The following CSMD3 variants were observed in gnomAD, a reference collection of about 807,000 sequenced individuals.
CSMD3 encodes CUB and sushi domain-containing protein 3.
CSMD3 carries 177 observed loss-of-function variants against 435.2 expected under a neutral mutation model. The observed-to-expected ratio is 0.41, with a 90% CI of 0.36 to 0.46. The LOEUF is 0.46. Among genes scored for constraint, CSMD3 ranks in the 20% least tolerant of loss-of-function variants. The probability of loss-of-function intolerance (pLI) is 0.34; values close to 1 mark genes in which losing one functional copy is unlikely to be tolerated. For synonymous variants in CSMD3, 1,656 were observed against 1,520.5 expected, an observed-to-expected ratio of 1.09 and a Z score of -2.07; for missense variants, 4,265 against 4,504.6, an observed-to-expected ratio of 0.95 and a Z score of 1.52.
In CSMD3 at chr8:112,311,155, T is replaced by C. The variant is rs757535466; in HGVS notation, c.7708A>G (p.Ser2570Gly). ...FRIRYIAFYC[S>G]TPESPPHGYI... ...CCATGAGGTGGGGATTCTGGTGTAC[T>C]ACAGTAGAAAGCTTTTCAAAAGAAA... Residue 2570 changes from serine to glycine, a missense_variant, in exon 50 of 71, where the codon AGT (serine) becomes GGT (glycine). Physicochemically the swap from Ser to Gly is moderately conservative, Grantham distance 56. Coordinates refer to ENST00000297405, the MANE Select transcript of CSMD3 (RefSeq NM_198123.2). The C allele has an allele frequency of 6.2e-7, 1 of 1,613,608 alleles. No individual in the cohort carries two copies. The highest frequency in any genetic ancestry group is 8.5e-7 in the Non-Finnish European group (1 of 1,179,658).
chr8:112,415,928 T>C (rs1010861589), intron 32 of CSMD3, among the ~76,000 whole-genome samples: 2 of 152,200 alleles, frequency 1.3e-5, no homozygotes, highest in African/African-American at 2.4e-5. Flanking sequence ...ATCTAGGAGA[T>C]AACTAACTTG....
intron 32 of CSMD3, among the ~76,000 whole-genome samples, chr8:112,470,176 T>C (rs551682346): frequency 6.6e-6 from 1 of 152,356 alleles, no homozygotes; most frequent in Non-Finnish European, 1.5e-5. Flanking sequence ...GTCACTGGGA[T>C]ATAAAACCCA....
chr8:112,286,319 T>C lies in CSMD3; in HGVS notation c.9331+745A>G, dbSNP rs542286105. Among the ~76,000 whole-genome samples, 7 of 152,188 alleles carry C rather than the reference T, an allele frequency of 4.6e-5. No individual in the cohort carries two copies. In the South Asian group the frequency reaches 1.2e-3, roughly 27 times the overall value. ...TTCACTTAGCCATGGTCAATCATGG[T>C]CTAAAAATAATATATGGAAAATTCC... On this transcript the variant is annotated intron_variant, in intron 58 of 70. Transcript: ENST00000297405.
chr8:112,536,935 C>T (rs1267024553), intron 27 of CSMD3, among the ~76,000 whole-genome samples: 5 of 151,772 alleles, frequency 3.3e-5, no homozygotes, highest in East Asian at 1.9e-4. Flanking sequence ...AACCAAACAC[C>T]GCATATTCTC....
At chr8:113,391,205 G>T (rs1023374899) in intron 1 of CSMD3, among the ~76,000 whole-genome samples, 2 of 151,994 alleles carry the variant, frequency 1.3e-5, no homozygotes, top group African/African-American at 4.8e-5. Flanking sequence ...AGGTAGGAAA[G>T]ATCCATGTTC....
chr8:113,080,121 G>A (rs1287740921), intron 5 of CSMD3, among the ~76,000 whole-genome samples: 1 of 152,050 alleles, frequency 6.6e-6, no homozygotes, highest in Non-Finnish European at 1.5e-5. Context: ...CATGTTCTCT[G>A]GAACATATAC....
intron 11 of CSMD3, among the ~76,000 whole-genome samples, chr8:112,857,368 A>G (rs1052994585): frequency 2.0e-5 from 3 of 151,784 alleles, no homozygotes; most frequent in African/African-American, 7.2e-5. Flanking sequence ...AAATGTGACA[A>G]CCTCTGAAAC....
chr8:112,545,075 T>A (rs1827024040), intron 27 of CSMD3, among the ~76,000 whole-genome samples: 1 of 152,160 alleles, frequency 6.6e-6, no homozygotes, highest in Admixed American at 6.5e-5. Context: ...TTTCCCATAT[T>A]TCCCCCTAAT....
chr8:112,384,489 A>G (rs1337428257), intron 36 of CSMD3, among the ~76,000 whole-genome samples: 1 of 152,174 alleles, frequency 6.6e-6, no homozygotes, highest in East Asian at 1.9e-4. Flanking sequence ...TACGGATGCT[A>G]CCTATTTTGC....
chr8:113,029,958 A>C (rs1473294889), intron 5 of CSMD3, among the ~76,000 whole-genome samples: 1 of 151,668 alleles, frequency 6.6e-6, no homozygotes, highest in Non-Finnish European at 1.5e-5. Flanking sequence ...TACACAAATC[A>C]GTAGCTCTTC....
At chr8:112,853,410 G>A (rs2080552516) in intron 11 of CSMD3, among the ~76,000 whole-genome samples, 4 of 152,188 alleles carry the variant, frequency 2.6e-5, no homozygotes, top group Admixed American at 2.6e-4. Context: ...ATTTTTAGTA[G>A]AGACAGGGTT....
intron 1 of CSMD3, among the ~76,000 whole-genome samples, chr8:113,318,543 C>T (rs2093926837): frequency 6.6e-6 from 1 of 152,036 alleles, no homozygotes; most frequent in African/African-American, 2.4e-5. Context: ...ATCCTACATA[C>T]CTGCTATATG....
chr8:113,352,939 A>G (rs1588578051), intron 1 of CSMD3, among the ~76,000 whole-genome samples: 1 of 152,196 alleles, frequency 6.6e-6, no homozygotes, highest in Non-Finnish European at 1.5e-5. Context: ...AGAATACACA[A>G]TTTCAGTTTG....
chr8:112,821,798 C>T (rs1234595691), intron 12 of CSMD3, among the ~76,000 whole-genome samples: 1 of 152,102 alleles, frequency 6.6e-6, no homozygotes, highest in Non-Finnish European at 1.5e-5. Flanking sequence ...ACATTTAAGT[C>T]TTTAATCCAT....
chr8:113,062,664 A>C (rs2088666426), intron 5 of CSMD3, among the ~76,000 whole-genome samples: 1 of 151,854 alleles, frequency 6.6e-6, no homozygotes, highest in African/African-American at 2.4e-5. Context: ...CCATATCATT[A>C]AAATATTACA....
Position 112,314,484 on chromosome 8 carries a change from C to T in CSMD3, c.7494G>A (p.Met2498Ile), listed in dbSNP as rs1723659056. ...TTTCTGTCTGGAAGAATTCTACAAA[C>T]ATGGTGATATTATAACCCTTTTCCA... The part of the protein sequence containing the change: ...ISVEKGYNIT[M>I]FVEFFQTEKE... The change falls in exon 48 of 71, where the codon ATG (methionine) becomes ATA (isoleucine). Residue 2498 changes from methionine (M) to isoleucine (I), a missense_variant. Physicochemically the swap from Met to Ile is conservative, Grantham distance 10. This residue lies in a region of CSMD3 where 3,255 missense variants were observed against 3,380.2 expected (regional missense o/e 0.96). Transcript: ENST00000297405. 1.2e-6 allele frequency: 2 copies of T among 1,612,724 alleles called. No individual in the cohort carries two copies. Among genetic ancestry groups the T allele is most frequent in the East Asian group, 2.2e-5 (1 of 44,798 alleles).
chr8:112,794,474 T>C (rs1339972917), intron 13 of CSMD3, among the ~76,000 whole-genome samples: 2 of 151,762 alleles, frequency 1.3e-5, no homozygotes, highest in Admixed American at 1.3e-4. Flanking sequence ...TTTGTATTTT[T>C]AGTAGAGATA....
intron 1 of CSMD3, among the ~76,000 whole-genome samples, chr8:113,395,271 G>A (rs2094477964): frequency 6.6e-6 from 1 of 151,964 alleles, no homozygotes; most frequent in African/African-American, 2.4e-5. Flanking sequence ...TGATGCTTAG[G>A]CTATCAATGC....
At chr8:113,088,453 A>G (rs1452395553) in intron 5 of CSMD3, among the ~76,000 whole-genome samples, 4 of 148,180 alleles carry the variant, frequency 2.7e-5, no homozygotes, top group Non-Finnish European at 5.9e-5. Flanking sequence ...AAGACTTGGA[A>G]CCAACCCAAA....
Sources: gnomAD v4.1 joint callset for allele counts (sites outside exome capture counted in the v4.1 genomes callset) on GRCh38, gnomAD v4.1.1 for gene constraint, gnomAD v4.1.1 regional missense constraint, MANE v1.5 for transcripts, NCBI Gene and HGNC (gene_info 2026-07-23, HGNC 2026-07-21) for gene names.